Variants in PRKG1 observed in about 807,000 individuals in gnomAD.
PRKG1 encodes the protein cGMP-dependent protein kinase 1.
Under a neutral mutation model 88.1 loss-of-function variants are expected in PRKG1, and 35 were observed. That is an observed-to-expected ratio of 0.40 (90% CI 0.30 to 0.53). PRKG1 has a LOEUF of 0.53. Among genes scored for constraint, PRKG1 ranks in the 20% least tolerant of loss-of-function variants. The pLI is 0.59. For synonymous variants in PRKG1, 303 were observed against 292.5 expected (o/e 1.04, Z -0.37); for missense variants, 540 against 839.8 (o/e 0.64, Z 4.41).
chr10:52,014,904 G>A (rs995873061), intron 5 of PRKG1, among the ~76,000 whole-genome samples: 2 of 152,222 alleles, frequency 1.3e-5, no homozygotes, highest in South Asian at 2.1e-4. Context: ...CTGATGCAAG[G>A]CATAGGTTCC....
intron 2 of PRKG1, among the ~76,000 whole-genome samples, chr10:51,271,063 T>G (rs1258429917): frequency 6.6e-6 from 1 of 152,208 alleles, no homozygotes; most frequent in African/African-American, 2.4e-5. Flanking sequence ...TCATTTAGGA[T>G]CATCCAATAG....
chr10:52,248,494 C>T (rs918277831), intron 9 of PRKG1, among the ~76,000 whole-genome samples: 24 of 152,198 alleles, frequency 1.6e-4, no homozygotes, highest in African/African-American at 5.8e-4. Flanking sequence ...ATGTATCTTA[C>T]CAATAAGATA....
At chr10:51,481,382 G>A (rs1564516626) in intron 3 of PRKG1, among the ~76,000 whole-genome samples, 1 of 151,990 alleles carries the variant, frequency 6.6e-6, no homozygotes, top group East Asian at 1.9e-4. Context: ...CAAGTAGCTG[G>A]GATTACAGGT....
chr10:51,045,156 C>T (rs868462045), intron 1 of PRKG1, among the ~76,000 whole-genome samples: 3 of 151,886 alleles, frequency 2.0e-5, no homozygotes, highest in Non-Finnish European at 4.4e-5. Flanking sequence ...TTAACAGGAG[C>T]GATCAAAAAG....
At chr10:52,192,806 T>G (rs1227701364) in intron 9 of PRKG1, among the ~76,000 whole-genome samples, 1 of 152,198 alleles carries the variant, frequency 6.6e-6, no homozygotes, top group Non-Finnish European at 1.5e-5. Flanking sequence ...TCCTTTCTTA[T>G]ATTAGAATTT....
At chr10:52,009,133 A>G (rs970263567) in intron 5 of PRKG1, among the ~76,000 whole-genome samples, 4 of 152,148 alleles carry the variant, frequency 2.6e-5, no homozygotes, top group Non-Finnish European at 5.9e-5. Context: ...GCCCTCTCTC[A>G]CCACTCCTAT....
intron 2 of PRKG1, among the ~76,000 whole-genome samples, chr10:51,210,686 C>T (rs1838191110): frequency 6.6e-6 from 1 of 152,164 alleles, no homozygotes; most frequent in Admixed American, 6.5e-5. Context: ...ACTGTAAACA[C>T]CTCTACGCAA....
At chr10:51,625,061 G>C (rs1839300724) in intron 3 of PRKG1, among the ~76,000 whole-genome samples, 1 of 152,176 alleles carries the variant, frequency 6.6e-6, no homozygotes, top group Non-Finnish European at 1.5e-5. Context: ...TTTGAATGTT[G>C]TCATCACTCA....
intron 3 of PRKG1, among the ~76,000 whole-genome samples, chr10:51,655,203 G>A (rs1051511866): frequency 6.6e-6 from 1 of 152,078 alleles, no homozygotes; most frequent in African/African-American, 2.4e-5. Context: ...TCATTCTCAA[G>A]TTTCCAAATC....
intron 3 of PRKG1, among the ~76,000 whole-genome samples, chr10:51,637,041 T>G (rs544364119): frequency 2.0e-5 from 3 of 152,250 alleles, no homozygotes; most frequent in Admixed American, 1.3e-4. Flanking sequence ...TTTTTGAGGC[T>G]TTTCTTCTAA....
At chr10:51,298,217 T>C (rs757858180) in intron 2 of PRKG1, among the ~76,000 whole-genome samples, 4 of 152,198 alleles carry the variant, frequency 2.6e-5, no homozygotes, top group South Asian at 4.1e-4. Context: ...TGGCAAATGA[T>C]ACATTTGAAA....
At chr10:51,732,280 T>C (rs905264396) in intron 3 of PRKG1, among the ~76,000 whole-genome samples, 1 of 152,186 alleles carries the variant, frequency 6.6e-6, no homozygotes, top group Non-Finnish European at 1.5e-5. Flanking sequence ...TCTACTCCTA[T>C]GGTTTCATTT....
intron 14 of PRKG1, among the ~76,000 whole-genome samples, chr10:52,287,978 A>G (rs919117152): frequency 3.9e-5 from 6 of 152,136 alleles, no homozygotes; most frequent in Non-Finnish European, 7.4e-5. Flanking sequence ...AATCACACAA[A>G]TGAAAAGATA....
chr10:52,157,799 T>C (rs1486525147), intron 8 of PRKG1, among the ~76,000 whole-genome samples: 6 of 151,508 alleles, frequency 4.0e-5, no homozygotes, highest in African/African-American at 1.5e-4. Context: ...TTGTTCTTCC[T>C]TCTTCCTTCC....
intron 3 of PRKG1, among the ~76,000 whole-genome samples, chr10:51,562,762 C>A (rs1324988710): frequency 6.6e-6 from 1 of 151,858 alleles, no homozygotes; most frequent in Non-Finnish European, 1.5e-5. Flanking sequence ...ATGTAAGCAT[C>A]ATACTTTATT....
rs1388302875 is a variant in PRKG1, at chr10:52,140,517, G to A, written c.1001+6612G>A. Among the ~76,000 whole-genome samples, 5 of 152,040 alleles carry A rather than the reference G, an allele frequency of 3.3e-5. No homozygotes were observed. In the South Asian group the frequency reaches 8.3e-4, roughly 25 times the overall value. On this transcript the variant is annotated intron_variant, in intron 8 of 17. Transcript: ENST00000373980. Reference sequence around the variant, plus strand: ...ACACCTCTTTTTATAGTTGATTCCTGCACCTCTTAATTCCACTCTTGCATT... The same window carrying A: ...ACACCTCTTTTTATAGTTGATTCCTACACCTCTTAATTCCACTCTTGCATT...
chr10:51,267,045 A>C (rs2132169104), intron 2 of PRKG1, among the ~76,000 whole-genome samples: 2 of 152,310 alleles, frequency 1.3e-5, no homozygotes, highest in Middle Eastern at 3.4e-3. Flanking sequence ...GCTCGTCACC[A>C]ACTCCACTAA....
At chr10:52,214,846 C>T (rs1322211932) in intron 9 of PRKG1, among the ~76,000 whole-genome samples, 1 of 152,056 alleles carries the variant, frequency 6.6e-6, no homozygotes, top group Non-Finnish European at 1.5e-5. Flanking sequence ...AGATATGGAG[C>T]AGGTAACCAA....
At chr10:51,813,035 GTGT>G (rs1316469508) in intron 4 of PRKG1, among the ~76,000 whole-genome samples, 2 of 152,164 alleles carry the variant, frequency 1.3e-5, no homozygotes. Flanking sequence ...TGGGCCAAAT[GTGT>G]TGTTGATGTT....
Sources: allele counts gnomAD v4.1 joint callset (sites outside exome capture counted in the v4.1 genomes callset), GRCh38; gene constraint gnomAD v4.1.1; transcripts MANE v1.5; gene names NCBI Gene and HGNC (gene_info 2026-07-23, HGNC 2026-07-21).